FGF13: variants seen among roughly 807,000 people sequenced by gnomAD.
The protein encoded by FGF13 is fibroblast growth factor homologous factor 2.
A neutral mutation model predicts 19.5 loss-of-function variants in FGF13; 2 were observed. The ratio of observed to expected loss-of-function variants is 0.10; its 90% CI spans 0.04 to 0.32. FGF13 has a LOEUF of 0.32. Ranked by LOEUF, FGF13 falls within the 10% of genes least tolerant of loss-of-function variation. The pLI is 1.00. For synonymous variants in FGF13, 72 were observed against 76.9 expected (o/e 0.94, Z 0.33); for missense variants, 113 against 192.7 (o/e 0.59, Z 2.45).
At chrX:139,093,474 G>GA (rs754473898) in intron 1 of FGF13, among the ~76,000 whole-genome samples, 13 of 112,167 alleles carry the variant, frequency 1.2e-4, no homozygotes, top group Non-Finnish European at 2.3e-4. Context: ...ACTGACTCAA[G>GA]AAAAAGAGAT....
chrX:139,007,612 T>TA (rs1349586612), intron 1 of FGF13, among the ~76,000 whole-genome samples: 1 of 112,461 alleles, frequency 8.9e-6, no homozygotes, highest in Non-Finnish European at 1.9e-5. Context: ...AAAACAGTTA[T>TA]AAAACATTCA....
At chrX:139,026,284 C>G (rs959816808) in intron 1 of FGF13, among the ~76,000 whole-genome samples, 1 of 110,755 alleles carries the variant, frequency 9.0e-6, no homozygotes, top group Non-Finnish European at 1.9e-5. Flanking sequence ...AGGAGAGCCA[C>G]AGCATGAAAT....
intron 1 of FGF13, among the ~76,000 whole-genome samples, chrX:138,868,057 T>C (rs1465700842): frequency 9.0e-6 from 1 of 111,603 alleles, no homozygotes; most frequent in Non-Finnish European, 1.9e-5. Context: ...AATTGACTAA[T>C]AGTATTTCTT....
intron 1 of FGF13, among the ~76,000 whole-genome samples, chrX:138,997,414 G>T (rs746683641): frequency 1.8e-5 from 1 of 56,751 alleles, no homozygotes; most frequent in Non-Finnish European, 3.4e-5. Flanking sequence ...CTAACCCAAC[G>T]CAAGGAAGCT....
At chrX:138,967,672 AT>A (rs2124313038) in intron 1 of FGF13, among the ~76,000 whole-genome samples, 1 of 111,668 alleles carries the variant, frequency 9.0e-6, no homozygotes, top group South Asian at 3.8e-4. Context: ...ACAATTTTGA[AT>A]ACAAGCCATT....
At chrX:138,781,862 G>T (rs1266594738) in intron 3 of FGF13, among the ~76,000 whole-genome samples, 2 of 111,646 alleles carry the variant, frequency 1.8e-5, no homozygotes, top group Admixed American at 1.9e-4. Context: ...CGAAAAAAGA[G>T]AATTTTAGAC....
chrX:138,659,571 G>C (rs2089469639), intron 3 of FGF13, among the ~76,000 whole-genome samples: 1 of 111,394 alleles, frequency 9.0e-6, no homozygotes, highest in African/African-American at 3.3e-5. Flanking sequence ...TATAACCAAA[G>C]GATTATAAAT....
intron 3 of FGF13, among the ~76,000 whole-genome samples, chrX:138,683,184 G>A (rs2089745678): frequency 9.0e-6 from 1 of 111,118 alleles, no homozygotes; most frequent in South Asian, 3.8e-4. Flanking sequence ...AACTATTAGA[G>A]GACATAGAGT....
At chrX:138,733,420 G>A (rs1329293996) in intron 1 of FGF13, among the ~76,000 whole-genome samples, 1 of 111,626 alleles carries the variant, frequency 9.0e-6, no homozygotes, top group Non-Finnish European at 1.9e-5. Flanking sequence ...AGCTACCAAA[G>A]ACTAACAACC....
intron 1 of FGF13, among the ~76,000 whole-genome samples, chrX:138,953,214 G>A (rs767718106): frequency 9.0e-6 from 1 of 110,929 alleles, no homozygotes; most frequent in African/African-American, 3.3e-5. Flanking sequence ...TTAAGAAAAT[G>A]TGGCACATAG....
At chrX:138,746,470 T>C (rs1428352876) in intron 3 of FGF13, among the ~76,000 whole-genome samples, 1 of 111,430 alleles carries the variant, frequency 9.0e-6, no homozygotes, top group African/African-American at 3.3e-5. Context: ...AGTAATTGGC[T>C]CTTGCAGGAG....
At chrX:138,740,029 T>C (rs1347519570), upstream of FGF13, among the ~76,000 whole-genome samples, 2 of 112,126 alleles carry the variant, frequency 1.8e-5, no homozygotes, top group Non-Finnish European at 3.8e-5. Context: ...AAGCACTCAA[T>C]AGTGTTAATA....
intron 3 of FGF13, among the ~76,000 whole-genome samples, chrX:138,833,780 T>C (rs934650034): frequency 1.8e-5 from 2 of 112,063 alleles, no homozygotes; most frequent in Admixed American, 1.9e-4. Context: ...TTCAGTATAA[T>C]GTTGTCAGTG....
intron 1 of FGF13, among the ~76,000 whole-genome samples, chrX:138,990,306 A>C (rs998283512): frequency 6.3e-5 from 7 of 110,657 alleles, no homozygotes; most frequent in African/African-American, 2.3e-4. Context: ...TGTACCCATA[A>C]AAATTAAATT....
chrX:138,876,998 T>C (rs1012774278), intron 1 of FGF13, among the ~76,000 whole-genome samples: 1 of 112,456 alleles, frequency 8.9e-6, no homozygotes, highest in Non-Finnish European at 1.9e-5. Flanking sequence ...ATATGAAATA[T>C]AAAAGCTTCC....
intron 1 of FGF13, among the ~76,000 whole-genome samples, chrX:138,957,596 A>G (rs922802782): frequency 2.7e-5 from 3 of 111,243 alleles, no homozygotes; most frequent in Non-Finnish European, 5.7e-5. Context: ...GAATCTATAA[A>G]TTACCTTGGG....
chrX:139,086,046 G>A (rs766853798), intron 1 of FGF13, among the ~76,000 whole-genome samples: 17 of 112,304 alleles, frequency 1.5e-4, no homozygotes, highest in Non-Finnish European at 3.0e-4. Context: ...GATTATGCCT[G>A]GATAACATGA....
intron 1 of FGF13, among the ~76,000 whole-genome samples, chrX:139,086,249 G>A (rs776856432): frequency 8.9e-6 from 1 of 111,853 alleles, no homozygotes; most frequent in African/African-American, 3.2e-5. Flanking sequence ...GTTTCAGGGA[G>A]ATTTGAGCTT....
At position 139,156,625 on chromosome X, in the gene FGF13, A is replaced by G. The variant is rs17002018; in HGVS notation, c.-113+46791T>C. On this transcript the variant is annotated intron_variant, in intron 1 of 2. Transcript: ENST00000421460. ...GCCCACAGGCTTAAGTCGTTCTCCA[A>G]CTTCAGTATGCACAAGAATAATCAA... Among the ~76,000 whole-genome samples, 856 of 112,325 alleles carry G rather than the reference A, an allele frequency of 7.6e-3. 6 individuals carry two copies. Among genetic ancestry groups the G allele is most frequent in the African/African-American group, 0.027 (820 of 30,920 alleles).
Sources: gnomAD v4.1 joint callset for allele counts (sites outside exome capture counted in the v4.1 genomes callset) on GRCh38, gnomAD v4.1.1 for gene constraint, MANE v1.5 for transcripts, NCBI Gene and HGNC (gene_info 2026-07-23, HGNC 2026-07-21) for gene names.